KCNJ9: variants seen among roughly 807,000 people sequenced by gnomAD.
KCNJ9 encodes potassium inwardly rectifying channel subfamily J member 9.
Under a neutral mutation model 27.9 loss-of-function variants are expected in KCNJ9, and 18 were observed. That is an observed-to-expected ratio of 0.65 (90% CI 0.45 to 0.96). The LOEUF (loss-of-function observed/expected upper bound fraction) is 0.96, where lower values mean the gene tolerates loss of function less well. Ranked by LOEUF, KCNJ9 falls within the 40% of genes least tolerant of loss-of-function variation. KCNJ9 has a pLI of 0.00. For synonymous variants in KCNJ9, 229 were observed against 248.2 expected (o/e 0.92, Z 0.73); for missense variants, 324 against 557.5 (o/e 0.58, Z 4.22).
intron 2 of KCNJ9, among the ~76,000 whole-genome samples, chr1:160,085,931 G>A (rs947311048): frequency 2.6e-5 from 4 of 152,052 alleles, no homozygotes; most frequent in African/African-American, 9.7e-5. Context: ...CCCCAGCTCC[G>A]CATCACTGTT....
In KCNJ9 at chr1:160,084,215, T is replaced by G; in HGVS notation, c.185T>G (p.Leu62Trp). The G allele has an allele frequency of 6.2e-7, 1 of 1,613,174 alleles. No homozygotes were observed. The highest frequency in any genetic ancestry group is 8.5e-7 in the Non-Finnish European group (1 of 1,179,758). Residue 62 changes from leucine (L) to tryptophan (W), a missense_variant, in exon 2 of 3, where the codon TTG becomes TGG. Around this residue, in one of 3 missense-constraint regions of KCNJ9, gnomAD observed 241 missense variants for 481.7 expected, o/e 0.50. Transcript: ENST00000368088. ...LVDLQWRLSL[L>W]FFVLAYALTW... Reference sequence around the variant, plus strand: ...GACCTGCAGTGGCGCCTCAGCCTGTTGTTCTTCGTCCTGGCCTACGCGCTC... The same window carrying G: ...GACCTGCAGTGGCGCCTCAGCCTGTGGTTCTTCGTCCTGGCCTACGCGCTC...
chr1:160,088,004 G>C lies in KCNJ9; in HGVS notation c.*187G>C, dbSNP rs1400305762. ...AACCAGTATGGAAGGGAGGGGTCCT[G>C]ATTTCAGGGAAATGGAGGGTGGGGC... is the stretch of plus-strand genomic sequence containing the variant. On this transcript the variant is annotated 3_prime_UTR_variant, in exon 3 of 3. Coordinates refer to ENST00000368088, the MANE Select transcript of KCNJ9 (RefSeq NM_004983.3). 1 of 486,342 alleles carries C rather than the reference G, an allele frequency of 2.1e-6. No homozygotes were observed. The highest frequency in any genetic ancestry group is 3.3e-6 in the Non-Finnish European group (1 of 298,534). 30.1% of individuals were successfully genotyped at this position (486,342 alleles called of 1,614,324 possible). A position where few individuals can be genotyped will look rare whatever the true frequency, so the allele number is the denominator to read the frequency against.
At chr1:160,082,687 C>A (rs1453499054) in intron 1 of KCNJ9, among the ~76,000 whole-genome samples, 1 of 152,194 alleles carries the variant, frequency 6.6e-6, no homozygotes, top group Non-Finnish European at 1.5e-5. Flanking sequence ...CACTAGCCAG[C>A]CCACGTTTCC....
At position 160,087,798 on chromosome 1, in the gene KCNJ9, AGAGT is replaced by A; in HGVS notation, c.1168_1171del (p.Glu390ProfsTer57). 6.6e-7 allele frequency: 1 copy of A among 1,513,492 alleles called. No homozygotes were observed. The highest frequency in any genetic ancestry group is 8.8e-7 in the Non-Finnish European group (1 of 1,131,232). 93.8% of individuals were successfully genotyped at this position (1,513,492 alleles called of 1,614,324 possible). A position where few individuals can be genotyped will look rare whatever the true frequency, so the allele number is the denominator to read the frequency against. On this transcript the variant is annotated frameshift_variant, in exon 3 of 3. Transcript: ENST00000368088. LOFTEE classifies it high-confidence loss of function. ...CAGAATGGCTGCCTGCCACCCCCAG[AGAGT>A]GAGTCCAAGGTGTGACCAGCTTCCT...
At chr1:160,083,648 T>C (rs1649722504) in intron 1 of KCNJ9, among the ~76,000 whole-genome samples, 1 of 152,040 alleles carries the variant, frequency 6.6e-6, no homozygotes, top group Non-Finnish European at 1.5e-5. Flanking sequence ...CAGCTGGAGG[T>C]GATGGCACCA....
chr1:160,082,648 TC>T (rs1557980024), intron 1 of KCNJ9, among the ~76,000 whole-genome samples: 1 of 152,168 alleles, frequency 6.6e-6, no homozygotes, highest in East Asian at 1.9e-4. Context: ...CATCTGTGGT[TC>T]CTATGGCACA....
At chr1:160,082,481 C>T (rs1649699157) in intron 1 of KCNJ9, among the ~76,000 whole-genome samples, 1 of 152,134 alleles carries the variant, frequency 6.6e-6, no homozygotes, top group South Asian at 2.1e-4. Flanking sequence ...TCTCTTCCTA[C>T]CTTCTCTACC....
At position 160,087,847 on chromosome 1, in the gene KCNJ9, C is replaced by T. The variant is rs763379495; in HGVS notation, c.*30C>T. ...CTTCCTCCAGACCCCTGTGGCAGAC[C>T]GGGGGCCAGACACAGATACATGGGG... On this transcript the variant is annotated 3_prime_UTR_variant, in exon 3 of 3. Transcript: ENST00000368088. The T allele has an allele frequency of 4.4e-5, 62 of 1,422,544 alleles. No individual in the cohort carries two copies. In the East Asian group the frequency reaches 6.0e-4, roughly 14 times the overall value. 88.1% of individuals were successfully genotyped at this position (1,422,544 alleles called of 1,614,324 possible). A position where few individuals can be genotyped will look rare whatever the true frequency, so the allele number is the denominator to read the frequency against.
rs577346279 is a variant in KCNJ9, at chr1:160,087,879, A to T, written c.*62A>T. Reference sequence around the variant, plus strand: ...CAGACACAGATACATGGGGAACTGCATATCGGAGGTGGTGGAGGAGGAGGA... The same window carrying T: ...CAGACACAGATACATGGGGAACTGCTTATCGGAGGTGGTGGAGGAGGAGGA... On this transcript the variant is annotated 3_prime_UTR_variant, in exon 3 of 3. Coordinates refer to ENST00000368088, the MANE Select transcript of KCNJ9 (RefSeq NM_004983.3). 20 of 1,365,840 alleles carry T rather than the reference A, an allele frequency of 1.5e-5. 1 individual carries two copies. The Admixed American group carries it at 4.4e-4, about 30-fold the overall frequency. The allele number at this position is 1,365,840 out of a possible 1,614,324, so 84.6% of individuals were successfully genotyped here.
In KCNJ9 at chr1:160,087,512, T is replaced by C; in HGVS notation, c.877T>C (p.Tyr293His). 1 of 1,607,634 alleles carries C rather than the reference T, an allele frequency of 6.2e-7. No homozygotes were observed. Among genetic ancestry groups the C allele is most frequent in the Non-Finnish European group, 8.5e-7 (1 of 1,175,442 alleles). The change falls in exon 3 of 3, where the codon TAC (tyrosine) becomes CAC (histidine). Residue 293 changes from tyrosine (Y) to histidine (H), a missense_variant. Tyr to His is a moderately conservative substitution (Grantham distance 83). This residue lies in a region of KCNJ9 where 241 missense variants were observed against 481.7 expected (regional missense o/e 0.50). Transcript: ENST00000368088. ...AATGACATGCCAAGCTCGGAGCTCC[T>C]ACCTGGTAGACGAGGTGCTGTGGGG... is the stretch of plus-strand genomic sequence containing the variant. ...TGMTCQARSS[Y>H]LVDEVLWGHR...
In KCNJ9 at chr1:160,087,848, G is replaced by T; in HGVS notation, c.*31G>T. The T allele has an allele frequency of 7.0e-7, 1 of 1,428,664 alleles. No homozygotes were observed. The highest frequency in any genetic ancestry group is 9.2e-7 in the Non-Finnish European group (1 of 1,091,106). The allele number at this position is 1,428,664 out of a possible 1,614,324, so 88.5% of individuals were successfully genotyped here. A position where few individuals can be genotyped will look rare whatever the true frequency, so the allele number is the denominator to read the frequency against. The stretch of plus-strand genomic sequence containing the variant: ...TTCCTCCAGACCCCTGTGGCAGACC[G>T]GGGGCCAGACACAGATACATGGGGA... On this transcript the variant is annotated 3_prime_UTR_variant, in exon 3 of 3. Transcript: ENST00000368088.
In KCNJ9 at chr1:160,087,592, T is replaced by C; in HGVS notation, c.957T>C (p.Tyr319=). The change falls in exon 3 of 3, where the codon TAT becomes TAC. Residue 319 remains tyrosine, a synonymous_variant. Transcript: ENST00000368088. ...AGGACGGCTTCTACGAAGTGGACTA[T>C]GCCAGCTTTCACGAGACTTTTGAGG... ...TLEDGFYEVD[Y]ASFHETFEVP... 1 of 1,613,928 alleles carries C rather than the reference T, an allele frequency of 6.2e-7. No individual in the cohort carries two copies. Among genetic ancestry groups the C allele is most frequent in the Non-Finnish European group, 8.5e-7 (1 of 1,179,948 alleles).
At chr1:160,083,089 C>G (rs1006832857) in intron 1 of KCNJ9, among the ~76,000 whole-genome samples, 1 of 152,170 alleles carries the variant, frequency 6.6e-6, no homozygotes, top group Non-Finnish European at 1.5e-5. Flanking sequence ...CAGAGGGATA[C>G]GAGCCTAACT....
Position 160,083,867 on chromosome 1 carries a change from G to A in KCNJ9, c.-114-50G>A, listed in dbSNP as rs369438908. The stretch of plus-strand genomic sequence containing the variant: ...GGCTCGGTGCTGGCCCTGATGCCCC[G>A]TGCCTCCCCATCTCCCGAGGGGCCA... On this transcript the variant is annotated intron_variant, in intron 1 of 2. Transcript: ENST00000368088. The A allele has an allele frequency of 3.8e-5, 19 of 502,826 alleles. No individual in the cohort carries two copies. The East Asian group carries it at 5.3e-4, about 14-fold the overall frequency. The allele number at this position is 502,826 out of a possible 1,614,324, so 31.1% of individuals were successfully genotyped here.
chr1:160,085,753 TGAG>T (rs1394648521), intron 2 of KCNJ9, among the ~76,000 whole-genome samples: 1 of 152,180 alleles, frequency 6.6e-6, no homozygotes, highest in Non-Finnish European at 1.5e-5. Flanking sequence ...AGAGGATAGA[TGAG>T]GATGAGGAAA....
chr1:160,086,704 A>G (rs1649782831), intron 2 of KCNJ9, among the ~76,000 whole-genome samples: 1 of 152,128 alleles, frequency 6.6e-6, no homozygotes, highest in African/African-American at 2.4e-5. Context: ...TGATTATGTA[A>G]TGTTATCCTG....
rs1033558293 is a variant in KCNJ9, at chr1:160,081,622, G to C, written c.-190G>C. ...GGCTCCCACCCTTCGGGGGGCCCGT[G>C]GGGGGGGCGGTGTCAGGGGCATGGA... is the stretch of plus-strand genomic sequence containing the variant. On this transcript the variant is annotated 5_prime_UTR_variant, in exon 1 of 3. Transcript: ENST00000368088. The C allele has an allele frequency of 6.6e-6, 1 of 151,254 alleles. No homozygotes were observed. Among genetic ancestry groups the C allele is most frequent in the Non-Finnish European group, 1.5e-5 (1 of 67,902 alleles). 9.4% of individuals were successfully genotyped at this position (151,254 alleles called of 1,614,324 possible). A position where few individuals can be genotyped will look rare whatever the true frequency, so the allele number is the denominator to read the frequency against.
At chr1:160,083,869 G>T in intron 1 of KCNJ9, 48 bp from the exon 2 acceptor site, 1 of 512,594 alleles carries the variant, frequency 2.0e-6, no homozygotes, top group Non-Finnish European at 2.8e-6. Context: ...GATGCCCCGT[G>T]CCTCCCCATC....
rs543293758 is a variant in KCNJ9 at position 160,086,335 on chromosome 1, C to A, written c.851-1151C>A. 2.0e-5 allele frequency among the ~76,000 whole-genome samples: 3 copies of A among 152,270 alleles called. No individual in the cohort carries two copies. The South Asian group carries it at 6.2e-4, about 32-fold the overall frequency. On this transcript the variant is annotated intron_variant, in intron 2 of 2. Transcript: ENST00000368088. Reference sequence around the variant, plus strand: ...GACCCTGTGGCAGAAAGGAGAATGACCTGCCCTGAGGGGTGCACCAGCCCA... The same window carrying A: ...GACCCTGTGGCAGAAAGGAGAATGAACTGCCCTGAGGGGTGCACCAGCCCA...
Sources: allele counts gnomAD v4.1 joint callset (sites outside exome capture counted in the v4.1 genomes callset), GRCh38; gene constraint gnomAD v4.1.1; regional missense constraint gnomAD v4.1.1; transcripts MANE v1.5; gene names NCBI Gene and HGNC (gene_info 2026-07-23, HGNC 2026-07-21).